Variants in OC90 observed in about 807,000 individuals in gnomAD.
OC90 encodes the protein otoconin 90, also known as otoconin-90.
OC90 carries 46 observed loss-of-function variants against 47.3 expected under a neutral mutation model. The observed-to-expected ratio is 0.97, with a 90% CI of 0.77 to 1.24. The LOEUF is 1.24. OC90 is among the 50% of genes most tolerant of loss of function. OC90 has a pLI of 0.00. For missense variants in OC90, 688 were observed against 583.9 expected, an observed-to-expected ratio of 1.18 and a Z score of -1.84; for synonymous variants, 271 against 219.5, an observed-to-expected ratio of 1.23 and a Z score of -2.07.
At chr8:132,049,238 T>C (rs968483260) in intron 2 of OC90, among the ~76,000 whole-genome samples, 20 of 151,858 alleles carry the variant, frequency 1.3e-4, no homozygotes, top group African/African-American at 4.4e-4. Context: ...TGTTATCAAG[T>C]CTTGCAGACC....
intron 11 of OC90, 146 bp downstream of exon 11, chr8:132,032,893 A>T: frequency 1.1e-6 from 1 of 909,212 alleles, no homozygotes; most frequent in East Asian, 2.7e-5. Flanking sequence ...TCTGAGCCTC[A>T]AGGTGCTCAT....
chr8:132,056,784 T>C (rs1222746433), intron 1 of OC90, among the ~76,000 whole-genome samples: 1 of 152,166 alleles, frequency 6.6e-6, no homozygotes, highest in East Asian at 1.9e-4. Context: ...GAGACCTCAT[T>C]GAAATGATAC....
At chr8:132,058,306 G>A (rs1823301490) in intron 1 of OC90, among the ~76,000 whole-genome samples, 1 of 152,192 alleles carries the variant, frequency 6.6e-6, no homozygotes, top group South Asian at 2.1e-4. Context: ...GTGGGGCTGT[G>A]TCTACCTGGA....
In OC90 at chr8:132,024,727, C is replaced by T. The variant is rs577253389; in HGVS notation, c.1188G>A (p.Thr396=). 8.1e-6 allele frequency: 13 copies of T among 1,613,826 alleles called. No homozygotes were observed. The highest frequency in any genetic ancestry group is 6.7e-5 in the East Asian group (3 of 44,860). ...AGGCAGAGGTCATGCACTCAGCTGCCGTCTGGTCACAGGCACAGAGCAACT... is the reference window on the plus strand; with the variant it reads ...AGGCAGAGGTCATGCACTCAGCTGCTGTCTGGTCACAGGCACAGAGCAACT... ...CEKLLCACDQ[T]AAECMTSASF... The change falls in exon 14 of 14, where the codon ACG becomes ACA. Residue 396 remains threonine (T), a synonymous_variant. Coordinates refer to ENST00000254627, the MANE Select transcript of OC90 (RefSeq NM_001080399.3).
In OC90 at chr8:132,024,460, T is replaced by C; in HGVS notation, c.*21A>G. 1 of 1,520,054 alleles carries C rather than the reference T, an allele frequency of 6.6e-7. No homozygotes were observed. Among genetic ancestry groups the C allele is most frequent in the Non-Finnish European group, 8.8e-7 (1 of 1,130,870 alleles). The allele number at this position is 1,520,054 out of a possible 1,614,324, so 94.2% of individuals were successfully genotyped here. ...AGCAGGAGCCACGCTACTGAAGGTGTTAGCCATTTTCTCTGGGCATCTATC... is the reference window on the plus strand; with the variant it reads ...AGCAGGAGCCACGCTACTGAAGGTGCTAGCCATTTTCTCTGGGCATCTATC... On this transcript the variant is annotated 3_prime_UTR_variant, in exon 14 of 14. Coordinates refer to ENST00000254627, the MANE Select transcript of OC90 (RefSeq NM_001080399.3).
intron 13 of OC90, among the ~76,000 whole-genome samples, chr8:132,028,626 G>GA (rs1563727565): frequency 7.4e-4 from 80 of 108,212 alleles, no homozygotes; most frequent in African/African-American, 1.6e-3. Context: ...AGGAAGGAAG[G>GA]AAGGAAGGAA....
Position 132,041,709 on chromosome 8 carries a change from TG to T in OC90, c.170-11del, listed in dbSNP as rs755694266. ...TGGGGGCCCAGGCAATCTGTGGGGG[TG>T]GGGGGCAGGGCCTGATAAGCACTGG... On this transcript the variant is annotated splice_polypyrimidine_tract_variant and intron_variant, in intron 4 of 13. Transcript: ENST00000254627. 1.3e-4 allele frequency: 73 copies of T among 566,738 alleles called. No homozygotes were observed. The highest frequency in any genetic ancestry group is 2.6e-4 in the African/African-American group (9 of 34,098). The allele number at this position is 566,738 out of a possible 1,614,324, so 35.1% of individuals were successfully genotyped here.
chr8:132,033,113 A>C lies in OC90; in HGVS notation c.785T>G (p.Val262Gly), dbSNP rs764198680. Residue 262 changes from valine (V) to glycine (G), a missense_variant, in exon 11 of 14, where the codon GTC becomes GGC. Val to Gly is a moderately radical substitution (Grantham distance 109). Transcript: ENST00000254627. Reference protein sequence around the residue: ...TRVTAKIVTLVPAGIKSLGLA... With the variant: ...TRVTAKIVTLGPAGIKSLGLA... ...CCCCAGAGATTTAATGCCAGCAGGG[A>C]CAAGGGTTACAATTTTAGCTGTAAC... The C allele has an allele frequency of 6.2e-7, 1 of 1,608,422 alleles. No individual in the cohort carries two copies. Among genetic ancestry groups the C allele is most frequent in the Non-Finnish European group, 8.5e-7 (1 of 1,177,362 alleles).
At chr8:132,039,936 T>C (rs886265443) in intron 6 of OC90, among the ~76,000 whole-genome samples, 2 of 152,146 alleles carry the variant, frequency 1.3e-5, no homozygotes, top group Non-Finnish European at 1.5e-5. Context: ...CCTCCACAGC[T>C]CTTGTCCCTC....
In OC90 at chr8:132,031,986, C is replaced by G; in HGVS notation, c.926G>C (p.Gly309Ala). The G allele has an allele frequency of 6.2e-7, 1 of 1,613,992 alleles. No homozygotes were observed. Residue 309 changes from glycine to alanine, a missense_variant, in exon 12 of 14, where the codon GGA becomes GCA. By Grantham distance (60) the Gly-to-Ala change is moderately conservative (BLOSUM62 0). Coordinates refer to ENST00000254627, the MANE Select transcript of OC90 (RefSeq NM_001080399.3). ...GDNMQVMPQL[G>A]EMLFCLTSRC... is the part of the protein sequence containing the mutation. ...GGATGTCAGACAAAAGAGCATCTCT[C>G]CAAGCTGTGGCATCACCTGCATGTT...
chr8:132,051,350 T>A (rs1172421545), intron 2 of OC90, among the ~76,000 whole-genome samples: 1 of 152,204 alleles, frequency 6.6e-6, no homozygotes, highest in Non-Finnish European at 1.5e-5. Context: ...CCTATCCAAT[T>A]CCTGCCTTCT....
At chr8:132,028,559 A>AAGGAAGG (rs1822801360) in intron 13 of OC90, among the ~76,000 whole-genome samples, 1 of 12,170 alleles carries the variant, frequency 8.2e-5, no homozygotes, top group South Asian at 6.6e-3. Context: ...AGAAAGAAAG[A>AAGGAAGG]AAGAAAGGAA....
At chr8:132,049,085 G>C (rs2130862689) in intron 2 of OC90, among the ~76,000 whole-genome samples, 1 of 151,562 alleles carries the variant, frequency 6.6e-6, no homozygotes, top group East Asian at 1.9e-4. Flanking sequence ...CAACCCATTT[G>C]TTAATGAAGA....
chr8:132,030,710 C>T lies in OC90; in HGVS notation c.1031+1171G>A, dbSNP rs189936267. On this transcript the variant is annotated intron_variant, in intron 12 of 13. Coordinates refer to ENST00000254627, the MANE Select transcript of OC90 (RefSeq NM_001080399.3). Reference sequence around the variant, plus strand: ...CTAGAGTGAAAACTTCTTTAGGGTCCGCTGGTGGGAGGTAAGTTTTGAAGG... The same window carrying T: ...CTAGAGTGAAAACTTCTTTAGGGTCTGCTGGTGGGAGGTAAGTTTTGAAGG... Among the ~76,000 whole-genome samples, 22 of 152,248 alleles carry T rather than the reference C, an allele frequency of 1.4e-4. No individual in the cohort carries two copies. In the East Asian group the frequency reaches 2.5e-3, roughly 17 times the overall value.
intron 13 of OC90, among the ~76,000 whole-genome samples, chr8:132,026,322 A>G (rs1822757552): frequency 1.3e-5 from 2 of 152,298 alleles, no homozygotes; most frequent in South Asian, 4.1e-4. Context: ...TCCTACTTTG[A>G]AATGTTCATC....
At chr8:132,030,010 C>T (rs1428447112) in intron 12 of OC90, among the ~76,000 whole-genome samples, 1 of 152,166 alleles carries the variant, frequency 6.6e-6, no homozygotes, top group Non-Finnish European at 1.5e-5. Context: ...AACCAATTAT[C>T]TGCTTATTAA....
chr8:132,045,249 T>C (rs1823115560), intron 3 of OC90, among the ~76,000 whole-genome samples: 1 of 152,206 alleles, frequency 6.6e-6, no homozygotes, highest in Non-Finnish European at 1.5e-5. Flanking sequence ...ATAATTTGGT[T>C]GACCCAACTC....
Position 132,038,794 on chromosome 8 carries a change from G to A in OC90, c.624C>T (p.Pro208=). The A allele has an allele frequency of 6.2e-7, 1 of 1,613,562 alleles. No individual in the cohort carries two copies. The highest frequency in any genetic ancestry group is 8.5e-7 in the Non-Finnish European group (1 of 1,179,642). ...TIKEDLTTLL[P]RVVPVEPTDT... Reference sequence around the variant, plus strand: ...ACCAACCCTGGGAGGCCTTACCTCTGGGCAGAAGTGTTGTCAAGTCTTCCT... The same window carrying A: ...ACCAACCCTGGGAGGCCTTACCTCTAGGCAGAAGTGTTGTCAAGTCTTCCT... The change falls in exon 8 of 14, where the codon CCC becomes CCT. Residue 208 remains proline, a synonymous_variant. Transcript: ENST00000254627.
intron 13 of OC90, among the ~76,000 whole-genome samples, chr8:132,028,777 A>C (rs997861615): frequency 1.4e-5 from 2 of 144,920 alleles, no homozygotes; most frequent in Non-Finnish European, 3.0e-5. Flanking sequence ...AGAAAGAAAG[A>C]AAGAGAGGAA....
Sources: allele counts gnomAD v4.1 joint callset (sites outside exome capture counted in the v4.1 genomes callset), GRCh38; gene constraint gnomAD v4.1.1; transcripts MANE v1.5; gene names NCBI Gene and HGNC (gene_info 2026-07-23, HGNC 2026-07-21).